NCKAP5: variants seen among roughly 807,000 people sequenced by gnomAD.
NCKAP5 encodes NCK associated protein 5, also known as nck-associated protein 5.
Under a neutral mutation model 167.0 loss-of-function variants are expected in NCKAP5, and 92 were observed. The observed-to-expected ratio is 0.55, with a 90% CI of 0.47 to 0.66. The LOEUF (loss-of-function observed/expected upper bound fraction) is 0.66, where lower values mean the gene tolerates loss of function less well. Among genes scored for constraint, NCKAP5 ranks in the 30% least tolerant of loss-of-function variants. The probability of loss-of-function intolerance (pLI) is 0.00; values close to 1 mark genes in which losing one functional copy is unlikely to be tolerated. For synonymous variants in NCKAP5, 891 were observed against 877.4 expected (o/e 1.02, Z -0.27); for missense variants, 2,378 against 2,315.0 (o/e 1.03, Z -0.56).
intron 19 of NCKAP5, among the ~76,000 whole-genome samples, chr2:132,697,291 C>T (rs903849925): frequency 6.6e-6 from 1 of 152,194 alleles, no homozygotes; most frequent in African/African-American, 2.4e-5. Context: ...GCATGGGGGT[C>T]AGTTCACACA....
intron 5 of NCKAP5, among the ~76,000 whole-genome samples, chr2:133,189,742 T>C (rs901829856): frequency 1.3e-5 from 2 of 151,482 alleles, no homozygotes; most frequent in East Asian, 3.9e-4. Flanking sequence ...CAATGCTTCA[T>C]GCTAAAAACT....
At chr2:133,544,229 A>G (rs1686466103) in intron 2 of NCKAP5, among the ~76,000 whole-genome samples, 1 of 152,184 alleles carries the variant, frequency 6.6e-6, no homozygotes, top group Non-Finnish European at 1.5e-5. Context: ...TCTCTTTTTC[A>G]TTATTCCATG....
At chr2:133,568,572 G>C (rs916038282), upstream of NCKAP5, 6 of 152,198 alleles carry the variant, frequency 3.9e-5, no homozygotes, top group Non-Finnish European at 5.9e-5. Flanking sequence ...AGGGGGTGGG[G>C]AGGAAGAGTA....
chr2:132,982,658 C>G (rs1216717637), intron 7 of NCKAP5, among the ~76,000 whole-genome samples: 1 of 152,136 alleles, frequency 6.6e-6, no homozygotes, highest in African/African-American at 2.4e-5. Context: ...ACCCTTGCCC[C>G]CTCCCTCCCT....
chr2:132,798,508 T>C (rs1439842638), intron 11 of NCKAP5, among the ~76,000 whole-genome samples: 1 of 152,198 alleles, frequency 6.6e-6, no homozygotes, highest in Non-Finnish European at 1.5e-5. Flanking sequence ...TGGTATATCA[T>C]CTGATTTGAG....
intron 8 of NCKAP5, among the ~76,000 whole-genome samples, chr2:132,943,909 G>A (rs1320981400): frequency 1.3e-5 from 2 of 152,218 alleles, no homozygotes; most frequent in Non-Finnish European, 2.9e-5. Flanking sequence ...CTGGGGCTGG[G>A]TGAAGTGTGA....
intron 2 of NCKAP5, among the ~76,000 whole-genome samples, chr2:133,526,174 AGG>A (rs1684857582): frequency 1.0e-5 from 1 of 98,470 alleles, no homozygotes; most frequent in Non-Finnish European, 2.0e-5. Flanking sequence ...TGAGGAAGGA[AGG>A]AAGGAAGGAA....
intron 3 of NCKAP5, among the ~76,000 whole-genome samples, chr2:133,464,762 G>A (rs1233370917): frequency 6.6e-6 from 1 of 152,174 alleles, no homozygotes; most frequent in Admixed American, 6.5e-5. Flanking sequence ...TGGGAAGAAG[G>A]CAGTGAGGAG....
intron 3 of NCKAP5, among the ~76,000 whole-genome samples, chr2:133,306,480 C>A (rs924097458): frequency 3.9e-5 from 6 of 152,146 alleles, no homozygotes; most frequent in African/African-American, 1.4e-4. Context: ...GACATGCTGA[C>A]TAGTATCCAG....
intron 3 of NCKAP5, among the ~76,000 whole-genome samples, chr2:133,470,853 C>T (rs1039164745): frequency 1.3e-5 from 2 of 152,254 alleles, no homozygotes; most frequent in Non-Finnish European, 2.9e-5. Flanking sequence ...TGAGGCAATG[C>T]CTCACCCTGC....
At chr2:133,578,542 A>T in the NCKAP5 span, among the ~76,000 whole-genome samples, 2 of 152,204 alleles carry the variant, frequency 1.3e-5, no homozygotes, top group Non-Finnish European at 2.9e-5. Flanking sequence ...TGATCCATGT[A>T]GGAGCATAAA....
chr2:133,106,137 C>T (rs1166669998), intron 6 of NCKAP5, among the ~76,000 whole-genome samples: 1 of 143,588 alleles, frequency 7.0e-6, no homozygotes, highest in African/African-American at 2.5e-5. Flanking sequence ...ACTAAAAATA[C>T]AAAAAATTAG....
chr2:132,865,844 G>A (rs748680384), intron 10 of NCKAP5, among the ~76,000 whole-genome samples: 14 of 152,072 alleles, frequency 9.2e-5, no homozygotes, highest in South Asian at 2.1e-4. Context: ...CCTACCTCAC[G>A]GGGCTGCCTT....
the NCKAP5 span, among the ~76,000 whole-genome samples, chr2:133,615,003 T>C: frequency 1.3e-5 from 2 of 152,050 alleles, no homozygotes; most frequent in South Asian, 2.1e-4. Context: ...TTCAACATTC[T>C]TAAAGACAAG....
At chr2:133,406,590 AAGGGAGGG>A (rs367922202) in intron 3 of NCKAP5, among the ~76,000 whole-genome samples, 1,912 of 136,718 alleles carry the variant, frequency 0.014, 52 homozygotes, top group African/African-American at 0.048. Context: ...GGAAGGAAGG[AAGGGAGGG>A]AGGGAGGGAG....
intron 19 of NCKAP5, among the ~76,000 whole-genome samples, chr2:132,720,919 G>A (rs1383362031): frequency 2.0e-5 from 3 of 151,974 alleles, no homozygotes; most frequent in East Asian, 3.9e-4. Context: ...GCTGAAGCAG[G>A]AGAACTGCTT....
intron 8 of NCKAP5, among the ~76,000 whole-genome samples, chr2:132,933,892 G>A (rs1696635500): frequency 6.6e-6 from 1 of 152,166 alleles, no homozygotes; most frequent in Non-Finnish European, 1.5e-5. Context: ...TTTAACTGGA[G>A]ATGTTCACTA....
intron 6 of NCKAP5, among the ~76,000 whole-genome samples, chr2:133,005,677 G>A (rs1478463918): frequency 1.3e-5 from 2 of 152,114 alleles, no homozygotes; most frequent in Admixed American, 1.3e-4. Flanking sequence ...ATTATTTTGG[G>A]GATAGATCTT....
At chr2:133,511,378 T>C (rs1239535337) in intron 3 of NCKAP5, among the ~76,000 whole-genome samples, 1 of 152,194 alleles carries the variant, frequency 6.6e-6, no homozygotes, top group Non-Finnish European at 1.5e-5. Context: ...GACCCGGAGA[T>C]CTGCACTGTT....
Sources: gnomAD v4.1 joint callset for allele counts (sites outside exome capture counted in the v4.1 genomes callset) on GRCh38, gnomAD v4.1.1 for gene constraint, MANE v1.5 for transcripts, NCBI Gene and HGNC (gene_info 2026-07-23, HGNC 2026-07-21) for gene names.